SNED1: variants seen among roughly 807,000 people sequenced by gnomAD.
SNED1 encodes sushi, nidogen and EGF-like domain-containing protein 1.
SNED1 carries 81 observed loss-of-function variants against 166.7 expected under a neutral mutation model. The ratio of observed to expected loss-of-function variants is 0.49; its 90% CI spans 0.41 to 0.58. The LOEUF is 0.58. SNED1 is among the 20% of genes least tolerant of loss of function. SNED1 has a pLI of 0.00. For synonymous variants in SNED1, 762 were observed against 822.0 expected (o/e 0.93, Z 1.25); for missense variants, 1,604 against 2,000.2 (o/e 0.80, Z 3.78).
chr2:241,053,030 G>C, intron 15 of SNED1, 123 bp from the exon 16 acceptor site: 1 of 907,692 alleles, frequency 1.1e-6, no homozygotes. Context: ...ACCTTTCCCC[G>C]GTGAAGGGCA....
Position 241,033,860 on chromosome 2 carries a change from G to A in SNED1, c.627G>A (p.Gly209=). ...GCGGGGGCAACGCCACTGGCCTCGG[G>A]GGCATCGCAGCCCAGGTAGGCGAGT... The part of the protein sequence containing the change: ...ASSGGNATGL[G]GIAAQAGFNA... Residue 209 remains glycine, a synonymous_variant, in exon 3 of 32, where the codon GGG becomes GGA. Coordinates refer to ENST00000310397, the MANE Select transcript of SNED1 (RefSeq NM_001080437.3). The A allele has an allele frequency of 6.2e-7, 1 of 1,604,188 alleles. No homozygotes were observed. The highest frequency in any genetic ancestry group is 8.5e-7 in the Non-Finnish European group (1 of 1,176,246).
At chr2:241,067,509 C>T (rs2062507215) in intron 21 of SNED1, among the ~76,000 whole-genome samples, 1 of 152,228 alleles carries the variant, frequency 6.6e-6, no homozygotes, top group East Asian at 1.9e-4. Flanking sequence ...AGACCCCTGC[C>T]TCTGGTAAGA....
At chr2:241,087,627 C>T (rs1356364474) in intron 30 of SNED1, 152 bp downstream of exon 30, 2 of 1,438,806 alleles carry the variant, frequency 1.4e-6, no homozygotes, top group Non-Finnish European at 1.8e-6. Flanking sequence ...CCACGTTCTG[C>T]TACGAAACTG....
rs755596551 is a variant in SNED1 at position 241,065,505 on chromosome 2, A to G, written c.2920A>G (p.Arg974Gly). 3 of 1,612,394 alleles carry G rather than the reference A, an allele frequency of 1.9e-6. No individual in the cohort carries two copies. The African/African-American group carries it at 4.0e-5, about 22-fold the overall frequency. ...SHQLQALAAG[R>G]AYNISVFSVK... ...CCAGCTCCAGGCCCTGGCGGCCGGC[A>G]GGGCCTACAACATCTCCGTCTTCTC... Residue 974 changes from arginine to glycine, a missense_variant, in exon 21 of 32, where the codon AGG (arginine) becomes GGG (glycine). This residue lies in a region of SNED1 where 1,237 missense variants were observed against 1,620.8 expected (regional missense o/e 0.76). Coordinates refer to ENST00000310397, the MANE Select transcript of SNED1 (RefSeq NM_001080437.3).
Position 241,073,692 on chromosome 2 carries a change from G to C in SNED1, c.3916+328G>C. 1 of 463,050 alleles carries C rather than the reference G, an allele frequency of 2.2e-6. No individual in the cohort carries two copies. The highest frequency in any genetic ancestry group is 3.8e-6 in the Non-Finnish European group (1 of 261,746). 28.7% of individuals were successfully genotyped at this position (463,050 alleles called of 1,614,324 possible). A position where few individuals can be genotyped will look rare whatever the true frequency, so the allele number is the denominator to read the frequency against. On this transcript the variant is annotated intron_variant, in intron 27 of 31. Transcript: ENST00000310397. This position sits in a 1 kb window ranked among gnomAD's most constrained non-coding sequence, Gnocchi z 6.6. ...TGCAGCAGAGCCCACCCCAGCCCCT[G>C]CCTCTGGGCCCCTCACCCCTCACTT...
chr2:241,067,530 C>T (rs1256519527), intron 21 of SNED1, among the ~76,000 whole-genome samples: 1 of 152,182 alleles, frequency 6.6e-6, no homozygotes, highest in Non-Finnish European at 1.5e-5. Context: ...CGGGCTGGCC[C>T]ACAGCGGGCT....
intron 29 of SNED1, among the ~76,000 whole-genome samples, chr2:241,086,643 C>T (rs1037689216): frequency 4.6e-5 from 7 of 152,224 alleles, no homozygotes; most frequent in Admixed American, 4.6e-4. Context: ...ATTCCAGATT[C>T]TGTTACTCTT....
At chr2:241,056,146 T>G (rs2062033858) in intron 16 of SNED1, among the ~76,000 whole-genome samples, 1 of 152,066 alleles carries the variant, frequency 6.6e-6, no homozygotes, top group African/African-American at 2.4e-5. Flanking sequence ...TAAAATTCCA[T>G]GAAAAATTTT....
chr2:241,082,457 G>C (rs2063375438), intron 29 of SNED1, 93 bp downstream of exon 29: 2 of 884,176 alleles, frequency 2.3e-6, no homozygotes, highest in African/African-American at 3.3e-5. Context: ...TAACCCTGAG[G>C]AGGGACGATG....
rs967054633 is a variant in SNED1, at chr2:240,999,030, G to A, written c.193G>A (p.Ala65Thr). The A allele has an allele frequency of 9.1e-6, 12 of 1,324,262 alleles. No individual in the cohort carries two copies. In the African/African-American group the frequency reaches 1.9e-4, roughly 21 times the overall value. 82.0% of individuals were successfully genotyped at this position (1,324,262 alleles called of 1,614,324 possible). Residue 65 changes from alanine (A) to threonine (T), a missense_variant, in exon 1 of 32, where the codon GCC (alanine) becomes ACC (threonine). This residue lies in a region of SNED1 where 1,237 missense variants were observed against 1,620.8 expected (regional missense o/e 0.76). Coordinates refer to ENST00000310397, the MANE Select transcript of SNED1 (RefSeq NM_001080437.3). This position sits in a 1 kb window ranked among gnomAD's most constrained non-coding sequence, Gnocchi z 5.8. Reference sequence around the variant, plus strand: ...CTCGGTGCCCTTCCCGTTCTTCGGTGCCGAGCACTCCGGACTCTACGTGAG... The same window carrying A: ...CTCGGTGCCCTTCCCGTTCTTCGGTACCGAGCACTCCGGACTCTACGTGAG... ...PLSVPFPFFG[A>T]EHSGLYVNNN...
rs967789234 is a variant in SNED1 at position 240,999,512 on chromosome 2, G to T, written c.213+462G>T. 6.6e-6 allele frequency among the ~76,000 whole-genome samples: 1 copy of T among 152,210 alleles called. No individual in the cohort carries two copies. Among genetic ancestry groups the T allele is most frequent in the Non-Finnish European group, 1.5e-5 (1 of 68,014 alleles). ...CCCGCCCCCCGTGGACGCCAGTGCG[G>T]CCCAGAGCCAGGAGGCTGGACCCCT... is the stretch of plus-strand genomic sequence containing the variant. On this transcript the variant is annotated intron_variant, in intron 1 of 31. Transcript: ENST00000310397. The surrounding 1 kb of genome is among the most constrained non-coding windows in gnomAD (Gnocchi z 5.8).
upstream of SNED1, among the ~76,000 whole-genome samples, chr2:240,998,598 G>T (rs987107494): frequency 6.6e-6 from 1 of 151,898 alleles, no homozygotes; most frequent in Non-Finnish European, 1.5e-5. Flanking sequence ...TATTTAAATC[G>T]TGGCCCCAGG....
At chr2:241,002,290 G>A (rs942675159) in intron 1 of SNED1, among the ~76,000 whole-genome samples, 2 of 152,158 alleles carry the variant, frequency 1.3e-5, no homozygotes, top group African/African-American at 4.8e-5. Context: ...GCCTGCGCAT[G>A]AGTGGATCTG....
At chr2:241,001,120 C>A (rs530540645) in intron 1 of SNED1, among the ~76,000 whole-genome samples, 1 of 152,344 alleles carries the variant, frequency 6.6e-6, no homozygotes, top group South Asian at 2.1e-4. Context: ...CTCGTGTCTG[C>A]TGGCCCTGGA....
At position 241,063,740 on chromosome 2, in the gene SNED1, G is replaced by A. The variant is rs147816218; in HGVS notation, c.2485+40G>A. 532 of 1,393,518 alleles carry A rather than the reference G, an allele frequency of 3.8e-4. 2 individuals are homozygous for A. The African/African-American group carries it at 6.7e-3, about 18-fold the overall frequency. 86.3% of individuals were successfully genotyped at this position (1,393,518 alleles called of 1,614,324 possible). A position where few individuals can be genotyped will look rare whatever the true frequency, so the allele number is the denominator to read the frequency against. ...CAGTGGGCCCCACATGCAGAGCCTG[G>A]GCCTCTGGAAGATCAGAGAGGAGGT... On this transcript the variant is annotated intron_variant, in intron 18 of 31. Coordinates refer to ENST00000310397, the MANE Select transcript of SNED1 (RefSeq NM_001080437.3).
intron 1 of SNED1, chr2:241,010,610 C>A (rs1358822833): frequency 1.3e-5 from 2 of 152,368 alleles, no homozygotes; most frequent in Non-Finnish European, 2.9e-5. Flanking sequence ...GTCAGAGCAT[C>A]CCCTCCATGG....
At position 241,064,079 on chromosome 2, in the gene SNED1, C is replaced by T; in HGVS notation, c.2553C>T (p.Tyr851=). 1 of 1,570,158 alleles carries T rather than the reference C, an allele frequency of 6.4e-7. No homozygotes were observed. The highest frequency in any genetic ancestry group is 8.6e-7 in the Non-Finnish European group (1 of 1,159,064). ...GGTGTGAGAGCGGCGGCGGGGCCTA[C>T]CTGTGCGTCTGCCCAGAGAGCTTCT... ...GGRCESGGGA[Y]LCVCPESFFG... The change falls in exon 19 of 32, where the codon TAC becomes TAT. Residue 851 remains tyrosine, a synonymous_variant. Transcript: ENST00000310397. This position sits in a 1 kb window ranked among gnomAD's most constrained non-coding sequence, Gnocchi z 7.0.
At chr2:241,057,300 A>C (rs1575010827) in intron 16 of SNED1, among the ~76,000 whole-genome samples, 2 of 148,920 alleles carry the variant, frequency 1.3e-5, no homozygotes, top group South Asian at 4.3e-4. Context: ...AATTGCTTGA[A>C]CCTCGGAGGC....
chr2:241,048,214 C>T (rs1429589392), intron 8 of SNED1, 101 bp from the exon 9 acceptor site: 9 of 1,353,818 alleles, frequency 6.6e-6, no homozygotes, highest in Non-Finnish European at 8.8e-6. Context: ...TTGGGAATGA[C>T]AACAGAGGTG....
Sources: gnomAD v4.1 joint callset for allele counts (sites outside exome capture counted in the v4.1 genomes callset) on GRCh38, gnomAD v4.1.1 for gene constraint, gnomAD v4.1.1 regional missense constraint, Gnocchi (gnomAD v3.1) non-coding constraint, MANE v1.5 for transcripts, NCBI Gene and HGNC (gene_info 2026-07-23, HGNC 2026-07-21) for gene names.